Variants in FGF6 observed in about 807,000 individuals in gnomAD.
FGF6 encodes the protein FGF-6.
A neutral mutation model predicts 18.4 loss-of-function variants in FGF6; 14 were observed. The ratio of observed to expected loss-of-function variants is 0.76; its 90% CI spans 0.50 to 1.19. The LOEUF (loss-of-function observed/expected upper bound fraction) is 1.19, where lower values mean the gene tolerates loss of function less well. Ranked by LOEUF, FGF6 falls within the 50% of genes most tolerant of loss-of-function variation. FGF6 has a pLI of 0.00. For missense variants in FGF6, 266 were observed against 271.6 expected (o/e 0.98, Z 0.15); for synonymous variants, 125 against 116.7 (o/e 1.07, Z -0.46).
At chr12:4,434,956 G>A (rs1040848200) in intron 2 of FGF6, among the ~76,000 whole-genome samples, 1 of 152,060 alleles carries the variant, frequency 6.6e-6, no homozygotes, top group Non-Finnish European at 1.5e-5. Flanking sequence ...AGAGGCGGTT[G>A]GTGGAGGGGG....
chr12:4,440,922 A>G lies in FGF6; in HGVS notation c.450+3211T>C, dbSNP rs915774416. On this transcript the variant is annotated intron_variant, in intron 2 of 2. Coordinates refer to ENST00000228837, the MANE Select transcript of FGF6 (RefSeq NM_020996.3). ...ATGTAATGCCCCAGATAATAATGCA[A>G]TGCCCCAGATAATAATGCCCCAATG... is the stretch of plus-strand genomic sequence containing the variant. Among the ~76,000 whole-genome samples the G allele has an allele frequency of 3.3e-5, 5 of 152,046 alleles. No individual in the cohort carries two copies. The East Asian group carries it at 5.8e-4, about 18-fold the overall frequency.
chr12:4,440,721 G>A (rs745741996), intron 2 of FGF6, among the ~76,000 whole-genome samples: 30 of 152,176 alleles, frequency 2.0e-4, no homozygotes, highest in Non-Finnish European at 4.4e-4. Flanking sequence ...TGTATGCAGA[G>A]CCTCAGGCCC....
intron 2 of FGF6, among the ~76,000 whole-genome samples, chr12:4,438,540 A>G (rs1865649780): frequency 6.6e-6 from 1 of 152,114 alleles, no homozygotes; most frequent in African/African-American, 2.4e-5. Flanking sequence ...AGGTGGGTGG[A>G]TCACGAGGTC....
At chr12:4,436,009 CCTT>C (rs781591374) in intron 2 of FGF6, among the ~76,000 whole-genome samples, 4 of 151,998 alleles carry the variant, frequency 2.6e-5, no homozygotes, top group African/African-American at 7.3e-5. Context: ...ACTTCTGACT[CCTT>C]CTTGCTTGAG....
chr12:4,434,729 A>G (rs1865608677), intron 2 of FGF6, among the ~76,000 whole-genome samples: 1 of 152,198 alleles, frequency 6.6e-6, no homozygotes, highest in Admixed American at 6.5e-5. Flanking sequence ...CTAAGTCCCT[A>G]GATGGTAACT....
At chr12:4,442,724 C>A (rs376639334) in intron 2 of FGF6, among the ~76,000 whole-genome samples, 5 of 152,302 alleles carry the variant, frequency 3.3e-5, no homozygotes, top group African/African-American at 1.2e-4. Context: ...GGTCCCAGGC[C>A]TCTTCCTGTC....
chr12:4,444,030 A>G, intron 2 of FGF6, 103 bp downstream of exon 2: 6 of 740,948 alleles, frequency 8.1e-6, no homozygotes, highest in Non-Finnish European at 1.4e-5. Context: ...TTCCTTTCCC[A>G]TTTAGATAGT....
chr12:4,445,500 G>A lies in FGF6; in HGVS notation c.71C>T (p.Ala24Val). ...GAGRLQGTLW[A>V]LVFLGILVGM... is the part of the protein sequence containing the mutation. ...CACTAGGATGCCTAGGAAGACGAGA[G>A]CCCACAGCGTGCCCTGCAGACGTCC... Residue 24 changes from alanine (A) to valine (V), a missense_variant, in exon 1 of 3, where the codon GCT becomes GTT. Coordinates refer to ENST00000228837, the MANE Select transcript of FGF6 (RefSeq NM_020996.3). This position sits in a 1 kb window ranked among gnomAD's most constrained non-coding sequence, Gnocchi z 5.5. The A allele has an allele frequency of 6.2e-7, 1 of 1,613,006 alleles. No individual in the cohort carries two copies. Among genetic ancestry groups the A allele is most frequent in the Non-Finnish European group, 8.5e-7 (1 of 1,179,956 alleles).
intron 1 of FGF6, 107 bp from the exon 2 acceptor site, chr12:4,444,343 ACTCT>A: frequency 1.4e-6 from 1 of 719,628 alleles, no homozygotes; most frequent in Non-Finnish European, 2.4e-6. Flanking sequence ...AGAAAGCCAG[ACTCT>A]CCATTGCCCC....
chr12:4,436,374 C>A (rs1178022266), intron 2 of FGF6, among the ~76,000 whole-genome samples: 4 of 151,702 alleles, frequency 2.6e-5, no homozygotes, highest in Non-Finnish European at 5.9e-5. Context: ...TAATCCAGTA[C>A]TTTGGGAGGC....
At chr12:4,437,468 C>T (rs548584847) in intron 2 of FGF6, among the ~76,000 whole-genome samples, 1 of 152,290 alleles carries the variant, frequency 6.6e-6, no homozygotes, top group South Asian at 2.1e-4. Context: ...CATTAGGAGC[C>T]TCTCTGGACC....
At chr12:4,438,612 T>G (rs916174917) in intron 2 of FGF6, among the ~76,000 whole-genome samples, 2 of 151,724 alleles carry the variant, frequency 1.3e-5, no homozygotes, top group Non-Finnish European at 2.9e-5. Flanking sequence ...ATACAAAAAA[T>G]TAGCTGGGCA....
chr12:4,441,024 A>G (rs1865683888), intron 2 of FGF6, among the ~76,000 whole-genome samples: 1 of 152,264 alleles, frequency 6.6e-6, no homozygotes, highest in Non-Finnish European at 1.5e-5. Flanking sequence ...CTGTTGACGA[A>G]AAGCATGTAA....
Position 4,435,162 on chromosome 12 carries a change from C to T in FGF6, c.451-771G>A, listed in dbSNP as rs17177360. The stretch of plus-strand genomic sequence containing the variant: ...CCAGGGGTCCCCGACCCCCAGGCTG[C>T]AGACCCATACCAGTCAGCGGCCCAT... On this transcript the variant is annotated intron_variant, in intron 2 of 2. Coordinates refer to ENST00000228837, the MANE Select transcript of FGF6 (RefSeq NM_020996.3). Among the ~76,000 whole-genome samples the T allele has an allele frequency of 6.4e-3, 979 of 152,264 alleles. 10 individuals are homozygous for T. Among genetic ancestry groups the T allele is most frequent in the African/African-American group, 0.023 (942 of 41,560 alleles).
chr12:4,445,436 G>A lies in FGF6; in HGVS notation c.135C>T (p.Asn45=). ...AGCCCCTCGAGTCCAGCAGCGTGTT[G>A]TTGGCACGGGTGCCTGCAGGCGAGG... ...VVPSPAGTRA[N]NTLLDSRGWG... is the part of the protein sequence containing the mutation. The change falls in exon 1 of 3, where the codon AAC becomes AAT. Residue 45 remains asparagine, a synonymous_variant. Transcript: ENST00000228837. The surrounding 1 kb of genome is among the most constrained non-coding windows in gnomAD (Gnocchi z 5.5). 1.2e-6 allele frequency: 2 copies of A among 1,613,366 alleles called. No individual in the cohort carries two copies. Among genetic ancestry groups the A allele is most frequent in the Middle Eastern group, 1.6e-4 (1 of 6,062 alleles).
At position 4,441,324 on chromosome 12, in the gene FGF6, G is replaced by A. The variant is rs1483728139; in HGVS notation, c.450+2809C>T. On this transcript the variant is annotated intron_variant, in intron 2 of 2. Coordinates refer to ENST00000228837, the MANE Select transcript of FGF6 (RefSeq NM_020996.3). Reference sequence around the variant, plus strand: ...AGGTTGGCCAGGAACTGGAACTCGGGTCGCGGAGCCCTGAGACGGGGCTGC... The same window carrying A: ...AGGTTGGCCAGGAACTGGAACTCGGATCGCGGAGCCCTGAGACGGGGCTGC... Among the ~76,000 whole-genome samples the A allele has an allele frequency of 3.3e-5, 5 of 152,184 alleles. No individual in the cohort carries two copies. The East Asian group carries it at 9.6e-4, about 29-fold the overall frequency.
At position 4,434,203 on chromosome 12, in the gene FGF6, T is replaced by C; in HGVS notation, c.*12A>G. 1 of 1,613,366 alleles carries C rather than the reference T, an allele frequency of 6.2e-7. No homozygotes were observed. Among genetic ancestry groups the C allele is most frequent in the Non-Finnish European group, 8.5e-7 (1 of 1,179,786 alleles). ...TGATGCTTTAAATCTGTGAGCCTTC[T>C]TTTGTGGGTCCTTAGATCCTGGGAA... is the stretch of plus-strand genomic sequence containing the variant. On this transcript the variant is annotated 3_prime_UTR_variant, in exon 3 of 3. Transcript: ENST00000228837.
chr12:4,441,314 T>A (rs908489424), intron 2 of FGF6, among the ~76,000 whole-genome samples: 2 of 152,158 alleles, frequency 1.3e-5, no homozygotes, highest in Non-Finnish European at 2.9e-5. Flanking sequence ...GGCCAGGAAC[T>A]GGAACTCGGG....
rs550744599 is a variant in FGF6 at position 4,445,147 on chromosome 12, G to C, written c.346+78C>G. The C allele has an allele frequency of 3.3e-6, 4 of 1,227,806 alleles. No individual in the cohort carries two copies. In the East Asian group the frequency reaches 7.6e-5, roughly 23 times the overall value. 76.1% of individuals were successfully genotyped at this position (1,227,806 alleles called of 1,614,324 possible). On this transcript the variant is annotated intron_variant, in intron 1 of 2. Transcript: ENST00000228837. This position sits in a 1 kb window ranked among gnomAD's most constrained non-coding sequence, Gnocchi z 5.5. ...CCTTTATCGTGCATCCTGTCCGCTA[G>C]AGCAGGGCCCCTTCACCTTTTAGCC...
Sources: allele counts gnomAD v4.1 joint callset (sites outside exome capture counted in the v4.1 genomes callset), GRCh38; gene constraint gnomAD v4.1.1; non-coding constraint Gnocchi (gnomAD v3.1); transcripts MANE v1.5; gene names NCBI Gene and HGNC (gene_info 2026-07-23, HGNC 2026-07-21).